The following KIF2A variants were observed in gnomAD, a reference collection of about 807,000 sequenced individuals.
KIF2A encodes kinesin-like protein KIF2A.
A neutral mutation model predicts 100.2 loss-of-function variants in KIF2A; 22 were observed. That is an observed-to-expected ratio of 0.22 (90% CI 0.16 to 0.31). The LOEUF is 0.31. Among genes scored for constraint, KIF2A ranks in the 10% least tolerant of loss-of-function variants. The probability of loss-of-function intolerance (pLI) is 1.00; values close to 1 mark genes in which losing one functional copy is unlikely to be tolerated. For synonymous variants in KIF2A, 268 were observed against 285.9 expected (o/e 0.94, Z 0.63); for missense variants, 495 against 898.7 (o/e 0.55, Z 5.74).
rs191201578 is a variant in KIF2A, at chr5:62,354,267, C to A, written c.558+892C>A. On this transcript the variant is annotated intron_variant, in intron 6 of 20. Transcript: ENST00000407818. ...CACCTGGTGTTTCCTGTGGGTACTT[C>A]ATAATACTTACACATCTCTCTGTGA... Among the ~76,000 whole-genome samples, 224 of 152,218 alleles carry A rather than the reference C, an allele frequency of 1.5e-3. 2 individuals carry two copies. Among genetic ancestry groups the A allele is most frequent in the African/African-American group, 5.3e-3 (220 of 41,562 alleles).
At chr5:62,308,562 G>A in intron 1 of KIF2A, 1 of 702,488 alleles carries the variant, frequency 1.4e-6, no homozygotes, top group East Asian at 2.7e-5. Context: ...TTATGTGTGT[G>A]TATAGACAAT....
chr5:62,375,072 AATG>A (rs1561280553), intron 18 of KIF2A, among the ~76,000 whole-genome samples: 1 of 152,252 alleles, frequency 6.6e-6, no homozygotes, highest in Non-Finnish European at 1.5e-5. Context: ...TAAAATTTTT[AATG>A]ATACTTTATA....
At position 62,344,983 on chromosome 5, in the gene KIF2A, C is replaced by T. The variant is rs562129934; in HGVS notation, c.65-2147C>T. Reference sequence around the variant, plus strand: ...CCACAAGGCCGGGCGTGGTGGCTCACGCCTGTAGTCCCAGCACTTATGGAG... The same window carrying T: ...CCACAAGGCCGGGCGTGGTGGCTCATGCCTGTAGTCCCAGCACTTATGGAG... On this transcript the variant is annotated intron_variant, in intron 1 of 20. Transcript: ENST00000407818. Among the ~76,000 whole-genome samples the T allele has an allele frequency of 3.4e-4, 51 of 152,026 alleles. 1 individual carries two copies. The highest frequency in any genetic ancestry group is 1.1e-3 in the African/African-American group (46 of 41,456).
chr5:62,384,615 C>T (rs949960333), intron 20 of KIF2A, among the ~76,000 whole-genome samples: 3 of 152,188 alleles, frequency 2.0e-5, no homozygotes, highest in Non-Finnish European at 2.9e-5. Flanking sequence ...TTGAGAGCCA[C>T]TGTTATTGAA....
At chr5:62,321,594 ATTC>A (rs1365551249) in intron 1 of KIF2A, among the ~76,000 whole-genome samples, 1 of 152,010 alleles carries the variant, frequency 6.6e-6, no homozygotes, top group African/African-American at 2.4e-5. Flanking sequence ...ATAGAGTCTT[ATTC>A]TGTCTCCCAG....
chr5:62,336,811 C>T (rs1174976236), intron 1 of KIF2A, among the ~76,000 whole-genome samples: 2 of 151,988 alleles, frequency 1.3e-5, no homozygotes, highest in Non-Finnish European at 2.9e-5. Context: ...CATAATAACA[C>T]CTAATAAAAA....
intron 15 of KIF2A, 114 bp downstream of exon 15, chr5:62,365,467 G>A: frequency 3.6e-6 from 2 of 560,116 alleles, no homozygotes; most frequent in Non-Finnish European, 3.1e-6. Context: ...TCTATTTTGA[G>A]TGATATGGTG....
intron 8 of KIF2A, 34 bp downstream of exon 8, chr5:62,357,779 A>AT: frequency 8.4e-7 from 1 of 1,191,866 alleles, no homozygotes; most frequent in Non-Finnish European, 1.2e-6. Context: ...TAAAAGATTG[A>AT]TTTTATCTTA....
rs1180796995 is a variant in KIF2A at position 62,390,135 on chromosome 5, G to A, written c.*4566G>A. 6.6e-6 allele frequency among the ~76,000 whole-genome samples: 1 copy of A among 152,112 alleles called. No homozygotes were observed. The highest frequency in any genetic ancestry group is 1.5e-5 in the Non-Finnish European group (1 of 68,014). On this transcript the variant is annotated 3_prime_UTR_variant, in exon 21 of 21. Coordinates refer to ENST00000407818, the MANE Select transcript of KIF2A (RefSeq NM_001098511.3). Reference sequence around the variant, plus strand: ...ACAATCTACTCTCATTTTTTATTCAGCCTCTAGAACATGGAAGCTTTAAAA... The same window carrying A: ...ACAATCTACTCTCATTTTTTATTCAACCTCTAGAACATGGAAGCTTTAAAA...
intron 1 of KIF2A, chr5:62,306,809 C>T: frequency 4.4e-6 from 2 of 453,242 alleles, no homozygotes; most frequent in South Asian, 3.0e-5. Flanking sequence ...CCGGGGGTCT[C>T]TGGGCGAGGG....
intron 1 of KIF2A, among the ~76,000 whole-genome samples, chr5:62,322,900 T>C (rs1298218421): frequency 7.2e-6 from 1 of 139,492 alleles, no homozygotes; most frequent in Non-Finnish European, 1.5e-5. Flanking sequence ...TAATGTTACT[T>C]TAAAATAGAT....
At chr5:62,314,036 C>A (rs768936811) in intron 1 of KIF2A, among the ~76,000 whole-genome samples, 6 of 152,152 alleles carry the variant, frequency 3.9e-5, no homozygotes, top group Non-Finnish European at 5.9e-5. Flanking sequence ...AAGCAATTCT[C>A]CCTCTTTGGC....
rs145832234 is a variant in KIF2A at position 62,320,475 on chromosome 5, C to G, written c.64+13939C>G. Among the ~76,000 whole-genome samples the G allele has an allele frequency of 6.0e-3, 910 of 152,222 alleles. 5 individuals carry two copies. Among genetic ancestry groups the G allele is most frequent in the Admixed American group, 0.01 (157 of 15,288 alleles). On this transcript the variant is annotated intron_variant, in intron 1 of 20. Transcript: ENST00000407818. ...ATTTACCTTACTATCTGCAAAAATG[C>G]CTGTTTCCTCATACTCTTATCCACA...
At chr5:62,363,078 T>C (rs1181010383) in intron 12 of KIF2A, 100 bp from the exon 13 acceptor site, 2 of 966,250 alleles carry the variant, frequency 2.1e-6, no homozygotes, top group Non-Finnish European at 3.0e-6. Context: ...TCCTCCTGCC[T>C]CAGCCTCCCA....
chr5:62,332,410 T>C lies in KIF2A; in HGVS notation c.65-14720T>C, dbSNP rs919364515. Among the ~76,000 whole-genome samples the C allele has an allele frequency of 2.6e-5, 4 of 152,320 alleles. No homozygotes were observed. The East Asian group carries it at 7.7e-4, about 29-fold the overall frequency. ...GATATTTACCAACAGATATTAAAAG[T>C]TGAGATGTGAACTGTTTTCCCTTTA... On this transcript the variant is annotated intron_variant, in intron 1 of 20. Coordinates refer to ENST00000407818, the MANE Select transcript of KIF2A (RefSeq NM_001098511.3).
intron 1 of KIF2A, among the ~76,000 whole-genome samples, chr5:62,327,203 C>G (rs1746419244): frequency 6.6e-6 from 1 of 152,152 alleles, no homozygotes; most frequent in Non-Finnish European, 1.5e-5. Flanking sequence ...GACTTCTACC[C>G]TCATTCTCTT....
At chr5:62,347,867 G>A (rs1014771598) in intron 2 of KIF2A, among the ~76,000 whole-genome samples, 181 bp from the exon 3 acceptor site, 4 of 151,860 alleles carry the variant, frequency 2.6e-5, no homozygotes, top group East Asian at 1.9e-4. Flanking sequence ...CAAATGATCC[G>A]CCCACCTTGA....
At chr5:62,357,032 C>T (rs1219088799) in intron 7 of KIF2A, among the ~76,000 whole-genome samples, 10 of 151,676 alleles carry the variant, frequency 6.6e-5, no homozygotes, top group Admixed American at 6.6e-5. Context: ...GTGATCCACC[C>T]ACCTTAGCCT....
chr5:62,385,756 C>T lies in KIF2A; in HGVS notation c.*187C>T, dbSNP rs1741997003. The T allele has an allele frequency of 1.8e-6, 1 of 561,208 alleles. No homozygotes were observed. The highest frequency in any genetic ancestry group is 2.5e-5 in the South Asian group (1 of 40,496). The allele number at this position is 561,208 out of a possible 1,614,324, so 34.8% of individuals were successfully genotyped here. On this transcript the variant is annotated 3_prime_UTR_variant, in exon 21 of 21. Coordinates refer to ENST00000407818, the MANE Select transcript of KIF2A (RefSeq NM_001098511.3). ...TACAAAATGCTTCTAGTCCAGGAGG[C>T]ACAACCAAGAACTGGGATTAATGAA...
Sources: gnomAD v4.1 joint callset for allele counts (sites outside exome capture counted in the v4.1 genomes callset) on GRCh38, gnomAD v4.1.1 for gene constraint, MANE v1.5 for transcripts, NCBI Gene and HGNC (gene_info 2026-07-23, HGNC 2026-07-21) for gene names.